Variants in CFAP20DC observed in about 807,000 individuals in gnomAD.
The protein encoded by CFAP20DC is CFAP20 domain containing, also known as protein CFAP20DC.
A neutral mutation model predicts 101.7 loss-of-function variants in CFAP20DC; 84 were observed. The ratio of observed to expected loss-of-function variants is 0.83; its 90% confidence interval spans 0.69 to 0.99. CFAP20DC has a LOEUF of 0.99. CFAP20DC is among the 50% of genes least tolerant of loss of function. CFAP20DC has a pLI of 0.00. For missense variants in CFAP20DC, 1,007 were observed against 970.3 expected (o/e 1.04, Z -0.50); for synonymous variants, 359 against 351.2 (o/e 1.02, Z -0.25).
chr3:58,859,265 T>G lies in CFAP20DC; in HGVS notation c.1593+4293A>C, dbSNP rs1335970034. Among the ~76,000 whole-genome samples the G allele has an allele frequency of 6.6e-6, 1 of 152,222 alleles. No individual in the cohort carries two copies. The highest frequency in any genetic ancestry group is 1.5e-5 in the Non-Finnish European group (1 of 68,042). The stretch of plus-strand genomic sequence containing the variant: ...CAAATGATACTTTACAGACAAATCA[T>G]AGCATAAGTTACAGGTACTGTGTGG... On this transcript the variant is annotated intron_variant, in intron 12 of 16. Transcript: ENST00000482387. This position sits in a 1 kb window ranked among gnomAD's most constrained non-coding sequence, Gnocchi z 4.1.
rs1436524296 is a variant in CFAP20DC, at chr3:58,892,334, A to G, written c.551-7625T>C. 1.3e-5 allele frequency among the ~76,000 whole-genome samples: 2 copies of G among 152,224 alleles called. No individual in the cohort carries two copies. The highest frequency in any genetic ancestry group is 4.8e-5 in the African/African-American group (2 of 41,462). On this transcript the variant is annotated intron_variant, in intron 6 of 16. Coordinates refer to ENST00000482387, the MANE Select transcript of CFAP20DC (RefSeq NM_001394063.1). This position sits in a 1 kb window ranked among gnomAD's most constrained non-coding sequence, Gnocchi z 4.0. Reference sequence around the variant, plus strand: ...TATACAGATTCTTTTTTGGTTCCACATGAATTTTAAAGTAGTTTCTTTCTA... The same window carrying G: ...TATACAGATTCTTTTTTGGTTCCACGTGAATTTTAAAGTAGTTTCTTTCTA...
rs765796909 is a variant in CFAP20DC, at chr3:58,863,900, T to G, written c.1259-8A>C. 9 of 1,592,312 alleles carry G rather than the reference T, an allele frequency of 5.7e-6. No homozygotes were observed. The African/African-American group carries it at 6.8e-5, about 12-fold the overall frequency. ...CAGGAAAAATCCACTCATCTGACAG[T>G]TGGAAAAGATGACAAAAATTAGAGC... On this transcript the variant is annotated splice_region_variant and splice_polypyrimidine_tract_variant and intron_variant, in intron 11 of 16. Coordinates refer to ENST00000482387, the MANE Select transcript of CFAP20DC (RefSeq NM_001394063.1). The surrounding 1 kb of genome is among the most constrained non-coding windows in gnomAD (Gnocchi z 5.9).
intron 3 of CFAP20DC, among the ~76,000 whole-genome samples, chr3:59,042,932 CT>C (rs1699522993): frequency 6.6e-6 from 1 of 152,080 alleles, no homozygotes; most frequent in South Asian, 2.1e-4. Context: ...GATTTAAAAG[CT>C]TTTTTTCTAA....
chr3:58,992,631 A>G, intron 4 of CFAP20DC: 1 of 810,206 alleles, frequency 1.2e-6, no homozygotes, highest in African/African-American at 1.9e-5. Flanking sequence ...TCCATCAGAC[A>G]ATAAATACAA....
intron 4 of CFAP20DC, among the ~76,000 whole-genome samples, chr3:59,036,582 T>C (rs1315933013): frequency 1.3e-5 from 2 of 152,076 alleles, no homozygotes; most frequent in African/African-American, 4.8e-5. Flanking sequence ...GAATAAAACT[T>C]ACAAGGGATG....
intron 3 of CFAP20DC, among the ~76,000 whole-genome samples, chr3:58,719,500 T>C (rs2067440678): frequency 6.6e-6 from 1 of 152,254 alleles, no homozygotes; most frequent in African/African-American, 2.4e-5. Flanking sequence ...AACGGTTTAC[T>C]TTGCAGGCAT....
intron 5 of CFAP20DC, among the ~76,000 whole-genome samples, chr3:58,935,124 C>A (rs2087348763): frequency 6.6e-6 from 1 of 152,086 alleles, no homozygotes; most frequent in South Asian, 2.1e-4. Context: ...TCTTATATAC[C>A]AATAACAGAC....
chr3:59,038,755 T>C (rs1199839298), intron 4 of CFAP20DC, among the ~76,000 whole-genome samples: 3 of 152,138 alleles, frequency 2.0e-5, no homozygotes, highest in Non-Finnish European at 2.9e-5. Flanking sequence ...TATTGTGTGT[T>C]TGATGGCTTC....
chr3:58,883,021 TG>T (rs2081339486), intron 7 of CFAP20DC, among the ~76,000 whole-genome samples: 1 of 152,208 alleles, frequency 6.6e-6, no homozygotes, highest in East Asian at 1.9e-4. Flanking sequence ...TGATGAAGAT[TG>T]ACATATAGAA....
intron 16 of CFAP20DC, among the ~76,000 whole-genome samples, chr3:58,746,110 G>T (rs2068179386): frequency 6.6e-6 from 1 of 152,086 alleles, no homozygotes; most frequent in Non-Finnish European, 1.5e-5. Flanking sequence ...AAACATAGTG[G>T]ATTTGAAAGA....
At chr3:58,998,776 C>T (rs150550345) in intron 4 of CFAP20DC, among the ~76,000 whole-genome samples, 3 of 152,180 alleles carry the variant, frequency 2.0e-5, no homozygotes, top group East Asian at 1.9e-4. Context: ...CACTCTGCAC[C>T]GTAGAATGAA....
intron 14 of CFAP20DC, among the ~76,000 whole-genome samples, chr3:58,823,625 G>C (rs1376708060): frequency 3.3e-5 from 5 of 152,062 alleles, no homozygotes; most frequent in East Asian, 1.9e-4. Flanking sequence ...AGTGGAGCTA[G>C]AATGTGAACC....
chr3:58,931,630 C>T (rs748896088), intron 5 of CFAP20DC, among the ~76,000 whole-genome samples: 9 of 152,232 alleles, frequency 5.9e-5, no homozygotes, highest in Non-Finnish European at 1.3e-4. Flanking sequence ...ATCTGCTGTT[C>T]TGCAGCCACC....
At chr3:58,898,025 A>T (rs1409179489) in intron 6 of CFAP20DC, among the ~76,000 whole-genome samples, 2 of 152,032 alleles carry the variant, frequency 1.3e-5, no homozygotes, top group Non-Finnish European at 1.5e-5. Flanking sequence ...AGTCAGTTGT[A>T]AGTTCAGTCT....
intron 4 of CFAP20DC, among the ~76,000 whole-genome samples, chr3:58,998,574 T>C (rs1207646324): frequency 1.3e-5 from 2 of 152,172 alleles, no homozygotes; most frequent in Non-Finnish European, 2.9e-5. Context: ...GCAGCATGGT[T>C]GACTACATTA....
intron 4 of CFAP20DC, among the ~76,000 whole-genome samples, chr3:58,948,240 C>T (rs774066473): frequency 6.6e-6 from 1 of 152,192 alleles, no homozygotes; most frequent in Non-Finnish European, 1.5e-5. Context: ...TATTTTCATG[C>T]CTTTGCTTAT....
chr3:58,869,599 CT>C lies in CFAP20DC; in HGVS notation c.853-110del. ...GGACCAATGAAGAGTGAGAAAAAAA[CT>C]AGAGGAAATGAGGTTAAGATGTGAA... On this transcript the variant is annotated intron_variant, in intron 8 of 16. Transcript: ENST00000482387. This position sits in a 1 kb window ranked among gnomAD's most constrained non-coding sequence, Gnocchi z 4.3. 2.5e-6 allele frequency: 2 copies of C among 791,736 alleles called. No homozygotes were observed. Among genetic ancestry groups the C allele is most frequent in the Non-Finnish European group, 3.7e-6 (2 of 538,872 alleles). 49.0% of individuals were successfully genotyped at this position (791,736 alleles called of 1,614,324 possible). A position where few individuals can be genotyped will look rare whatever the true frequency, so the allele number is the denominator to read the frequency against.
At chr3:58,739,962 C>T (rs944025632), downstream of CFAP20DC, among the ~76,000 whole-genome samples, 25 of 152,146 alleles carry the variant, frequency 1.6e-4, no homozygotes, top group African/African-American at 5.8e-4. Context: ...CACAGGGACT[C>T]CTTAATTGCT....
rs185682170 is a variant in CFAP20DC, at chr3:58,822,885, C to T, written c.2175+8801G>A. Among the ~76,000 whole-genome samples the T allele has an allele frequency of 2.5e-3, 388 of 152,256 alleles. 3 individuals are homozygous for T. The highest frequency in any genetic ancestry group is 0.014 in the Middle Eastern group (4 of 294). On this transcript the variant is annotated intron_variant, in intron 14 of 16. Transcript: ENST00000482387. ...AGGATTTTCTGAACACCCCCTGGAG[C>T]AGGTCATAAGATACTCATTTGAGAG... is the stretch of plus-strand genomic sequence containing the variant.
Sources: allele counts gnomAD v4.1 joint callset (sites outside exome capture counted in the v4.1 genomes callset), GRCh38; gene constraint gnomAD v4.1.1; non-coding constraint Gnocchi (gnomAD v3.1); transcripts MANE v1.5; gene names NCBI Gene and HGNC (gene_info 2026-07-23, HGNC 2026-07-21).